Variants in PLCB1 observed in about 807,000 individuals in gnomAD.
PLCB1 encodes 1-phosphatidylinositol 4,5-bisphosphate phosphodiesterase beta-1.
PLCB1 carries 46 observed loss-of-function variants against 161.8 expected under a neutral mutation model. That is an observed-to-expected ratio of 0.28 (90% CI 0.22 to 0.36). The LOEUF is 0.36. PLCB1 is among the 10% of genes least tolerant of loss of function. PLCB1 has a pLI of 1.00. For missense variants in PLCB1, 1,016 were observed against 1,472.5 expected (o/e 0.69, Z 5.07); for synonymous variants, 517 against 503.7 (o/e 1.03, Z -0.35).
chr20:8,299,527 T>A (rs191034501), intron 2 of PLCB1, among the ~76,000 whole-genome samples: 1 of 152,280 alleles, frequency 6.6e-6, no homozygotes. Context: ...ACTCCCAAAT[T>A]CACGTCACTG....
intron 2 of PLCB1, among the ~76,000 whole-genome samples, chr20:8,361,649 G>T (rs1374261442): frequency 2.6e-5 from 4 of 152,162 alleles, no homozygotes; most frequent in African/African-American, 9.7e-5. Context: ...ATAAGTGATG[G>T]ATTCAAATAT....
At chr20:8,677,292 G>A (rs776133276) in intron 9 of PLCB1, among the ~76,000 whole-genome samples, 1 of 152,056 alleles carries the variant, frequency 6.6e-6, no homozygotes, top group African/African-American at 2.4e-5. Context: ...CAGCTACTTG[G>A]GAGGCTGAGG....
At chr20:8,362,606 G>A (rs911847537) in intron 2 of PLCB1, among the ~76,000 whole-genome samples, 2 of 152,084 alleles carry the variant, frequency 1.3e-5, no homozygotes, top group Non-Finnish European at 2.9e-5. Context: ...AGTTTCTAAG[G>A]TTGCTGAAGA....
intron 3 of PLCB1, among the ~76,000 whole-genome samples, chr20:8,610,331 G>C (rs1206751774): frequency 2.6e-5 from 4 of 152,060 alleles, no homozygotes; most frequent in Admixed American, 2.6e-4. Flanking sequence ...GCTGTTAATT[G>C]TCAAATATTA....
At chr20:8,794,036 T>C (rs1351387363) in intron 31 of PLCB1, among the ~76,000 whole-genome samples, 2 of 152,252 alleles carry the variant, frequency 1.3e-5, no homozygotes, top group Non-Finnish European at 2.9e-5. Context: ...TATGGCTCTG[T>C]TCTGCCCGGC....
At chr20:8,534,876 C>T (rs2122930364) in intron 3 of PLCB1, among the ~76,000 whole-genome samples, 1 of 152,122 alleles carries the variant, frequency 6.6e-6, no homozygotes, top group East Asian at 1.9e-4. Context: ...GCTCCTGAAC[C>T]ACCGTGGGGA....
At chr20:8,237,361 A>G (rs1224322338) in intron 2 of PLCB1, among the ~76,000 whole-genome samples, 2 of 152,062 alleles carry the variant, frequency 1.3e-5, no homozygotes, top group Non-Finnish European at 2.9e-5. Context: ...CAGATTACAA[A>G]GGAAAATGAA....
At chr20:8,489,910 G>T (rs1007376085) in intron 3 of PLCB1, among the ~76,000 whole-genome samples, 1 of 152,132 alleles carries the variant, frequency 6.6e-6, no homozygotes, top group African/African-American at 2.4e-5. Flanking sequence ...GGTTCCACTG[G>T]GTTAGACCTT....
At chr20:8,591,012 C>T (rs1290752469) in intron 3 of PLCB1, among the ~76,000 whole-genome samples, 1 of 152,078 alleles carries the variant, frequency 6.6e-6, no homozygotes, top group Non-Finnish European at 1.5e-5. Context: ...TGTGTTGTTC[C>T]CCTCCCTGTG....
intron 2 of PLCB1, among the ~76,000 whole-genome samples, chr20:8,263,893 A>G (rs143229903): frequency 6.6e-6 from 1 of 152,344 alleles, no homozygotes; most frequent in African/African-American, 2.4e-5. Context: ...ACATTAATGT[A>G]CACTACTAGA....
At chr20:8,174,105 C>G (rs2051758981) in intron 2 of PLCB1, among the ~76,000 whole-genome samples, 1 of 152,028 alleles carries the variant, frequency 6.6e-6, no homozygotes, top group Non-Finnish European at 1.5e-5. Flanking sequence ...GAAAATGTCC[C>G]AAATTTGGCA....
At chr20:8,376,248 A>G (rs969116134) in intron 3 of PLCB1, among the ~76,000 whole-genome samples, 5 of 152,212 alleles carry the variant, frequency 3.3e-5, no homozygotes, top group Non-Finnish European at 5.9e-5. Context: ...AGTTTATTCT[A>G]TTGGTAAAGG....
At chr20:8,669,829 A>G (rs1018332501) in intron 9 of PLCB1, among the ~76,000 whole-genome samples, 4 of 152,180 alleles carry the variant, frequency 2.6e-5, no homozygotes, top group African/African-American at 9.7e-5. Context: ...GAACATAATT[A>G]TGTTCTGGGT....
chr20:8,307,395 G>A (rs185290155), intron 2 of PLCB1, among the ~76,000 whole-genome samples: 1 of 152,264 alleles, frequency 6.6e-6, no homozygotes, highest in Admixed American at 6.5e-5. Flanking sequence ...TTAAATAATT[G>A]AACAATCCAT....
At chr20:8,316,949 C>T (rs574150398) in intron 2 of PLCB1, among the ~76,000 whole-genome samples, 11 of 122,346 alleles carry the variant, frequency 9.0e-5, no homozygotes, top group African/African-American at 2.9e-4. Context: ...CTGTCTATAC[C>T]CACCCCCGGC....
At chr20:8,370,747 CT>C (rs1433982064) in intron 2 of PLCB1, among the ~76,000 whole-genome samples, 1 of 152,250 alleles carries the variant, frequency 6.6e-6, no homozygotes, top group Admixed American at 6.5e-5. Flanking sequence ...CACATTCCCC[CT>C]TGTCTTACAC....
chr20:8,815,002 A>G (rs1985016697), intron 31 of PLCB1, among the ~76,000 whole-genome samples: 1 of 152,196 alleles, frequency 6.6e-6, no homozygotes, highest in Admixed American at 6.5e-5. Context: ...AGCAATCCAC[A>G]CTAACCATAC....
In PLCB1 at chr20:8,733,189, C is replaced by T. The variant is rs191618568; in HGVS notation, c.1889-49C>T. ...TTTACTTTACAATCTTACTTTCTTA[C>T]CCCAAGTATAGATAAACTCACAATA... On this transcript the variant is annotated intron_variant, in intron 18 of 31. Coordinates refer to ENST00000338037, the MANE Select transcript of PLCB1 (RefSeq NM_015192.4). 4.2e-4 allele frequency: 668 copies of T among 1,587,306 alleles called. 4 individuals carry two copies. In the African/African-American group the frequency reaches 7.6e-3, roughly 18 times the overall value.
At chr20:8,872,829 G>T (rs1987652809) in intron 31 of PLCB1, among the ~76,000 whole-genome samples, 1 of 152,034 alleles carries the variant, frequency 6.6e-6, no homozygotes, top group African/African-American at 2.4e-5. Context: ...TCTATTCAGG[G>T]ACTTCAGGTT....
Sources: allele counts gnomAD v4.1 joint callset (sites outside exome capture counted in the v4.1 genomes callset), GRCh38; gene constraint gnomAD v4.1.1; transcripts MANE v1.5; gene names NCBI Gene and HGNC (gene_info 2026-07-23, HGNC 2026-07-21).